Variants in BTRC observed in about 807,000 individuals in gnomAD.
The protein encoded by BTRC is beta-transducin repeat containing E3 ubiquitin protein ligase.
BTRC carries 42 observed loss-of-function variants against 85.5 expected under a neutral mutation model. The observed-to-expected ratio is 0.49, with a 90% CI of 0.38 to 0.64. The LOEUF (loss-of-function observed/expected upper bound fraction) is 0.64, where lower values mean the gene tolerates loss of function less well. Among genes scored for constraint, BTRC ranks in the 30% least tolerant of loss-of-function variants. The probability of loss-of-function intolerance (pLI) is 0.00; values close to 1 mark genes in which losing one functional copy is unlikely to be tolerated. For missense variants in BTRC, 594 were observed against 743.5 expected (o/e 0.80, Z 2.34); for synonymous variants, 255 against 263.3 (o/e 0.97, Z 0.30).
intron 2 of BTRC, among the ~76,000 whole-genome samples, chr10:101,447,522 A>G (rs1244170019): frequency 6.6e-6 from 1 of 152,172 alleles, no homozygotes; most frequent in African/African-American, 2.4e-5. Flanking sequence ...GTATTCACTA[A>G]TTCTGTACTG....
chr10:101,390,369 G>A (rs965412721), intron 1 of BTRC, among the ~76,000 whole-genome samples: 4 of 138,052 alleles, frequency 2.9e-5, no homozygotes, highest in Admixed American at 2.3e-4. Context: ...ACGGAGTCTC[G>A]CTTTGTTCCC....
intron 1 of BTRC, among the ~76,000 whole-genome samples, chr10:101,389,661 C>G (rs1943188016): frequency 7.5e-6 from 1 of 133,268 alleles, no homozygotes; most frequent in Admixed American, 8.5e-5. Context: ...TCTCTGTTGC[C>G]CAGGCTGGAG....
rs551665455 is a variant in BTRC at position 101,517,935 on chromosome 10, C to T, written c.325-3704C>T. On this transcript the variant is annotated intron_variant, in intron 4 of 14. Coordinates refer to ENST00000370187, the MANE Select transcript of BTRC (RefSeq NM_033637.4). ...TTTTTTTTTTTTTTTTTTTTTGAGA[C>T]GGAGTCTCGCTCTGTCGCCCAGGCT... Among the ~76,000 whole-genome samples, 571 of 120,138 alleles carry T rather than the reference C, an allele frequency of 4.8e-3. 17 individuals carry two copies. In the Admixed American group the frequency reaches 0.052, roughly 11 times the overall value. The allele number at this position is 120,138 out of a possible 152,430, so 78.8% of individuals were successfully genotyped here.
chr10:101,482,131 T>A (rs1038425813), intron 4 of BTRC, among the ~76,000 whole-genome samples: 2 of 152,160 alleles, frequency 1.3e-5, no homozygotes, highest in African/African-American at 4.8e-5. Flanking sequence ...GCCATTATCC[T>A]GCCTCAGCCT....
intron 5 of BTRC, among the ~76,000 whole-genome samples, chr10:101,524,475 G>T (rs531819959): frequency 6.6e-6 from 1 of 152,162 alleles, no homozygotes; most frequent in African/African-American, 2.4e-5. Context: ...AATGCTTTAT[G>T]GCCATTTAAA....
At chr10:101,412,744 A>G (rs1232959407) in intron 1 of BTRC, among the ~76,000 whole-genome samples, 2 of 152,230 alleles carry the variant, frequency 1.3e-5, no homozygotes, top group Non-Finnish European at 2.9e-5. Context: ...CTTCATTGCT[A>G]GTACTCCAGT....
At chr10:101,515,657 A>T (rs2062014153) in intron 4 of BTRC, among the ~76,000 whole-genome samples, 1 of 152,104 alleles carries the variant, frequency 6.6e-6, no homozygotes, top group South Asian at 2.1e-4. Context: ...GGCTACAGGC[A>T]TGTACCACCA....
intron 1 of BTRC, among the ~76,000 whole-genome samples, chr10:101,411,086 C>T (rs1943765747): frequency 6.6e-6 from 1 of 151,220 alleles, no homozygotes; most frequent in Non-Finnish European, 1.5e-5. Flanking sequence ...ACCTCTGCCT[C>T]CTGGGTTCAA....
At chr10:101,431,687 G>A (rs1317901582) in intron 2 of BTRC, among the ~76,000 whole-genome samples, 6 of 152,086 alleles carry the variant, frequency 3.9e-5, no homozygotes, top group Admixed American at 1.3e-4. Context: ...GTGTCAGAAG[G>A]CTTGTGACTA....
At chr10:101,449,732 T>A (rs1944911818) in intron 2 of BTRC, among the ~76,000 whole-genome samples, 1 of 152,168 alleles carries the variant, frequency 6.6e-6, no homozygotes, top group African/African-American at 2.4e-5. Flanking sequence ...ATCCCCCTGG[T>A]GAATTTTAAT....
intron 1 of BTRC, among the ~76,000 whole-genome samples, chr10:101,367,080 A>ATATATATT (rs1942485263): frequency 1.2e-5 from 1 of 84,086 alleles, no homozygotes; most frequent in African/African-American, 4.1e-5. Flanking sequence ...ATATATATAT[A>ATATATATT]TTTTTTTCGA....
intron 2 of BTRC, among the ~76,000 whole-genome samples, chr10:101,438,869 T>A (rs12250375): frequency 0.011 from 1,704 of 152,232 alleles, 15 homozygotes; most frequent in Middle Eastern, 0.027. Flanking sequence ...AACACAATAT[T>A]TGACCAAAAT....
chr10:101,494,763 G>A (rs1946218872), intron 4 of BTRC, among the ~76,000 whole-genome samples: 1 of 152,194 alleles, frequency 6.6e-6, no homozygotes, highest in Non-Finnish European at 1.5e-5. Flanking sequence ...TCCCAGAATA[G>A]TTGTGTGTAG....
chr10:101,506,548 G>T (rs990814374), intron 4 of BTRC, among the ~76,000 whole-genome samples: 1 of 152,054 alleles, frequency 6.6e-6, no homozygotes, highest in African/African-American at 2.4e-5. Flanking sequence ...TATATACCTT[G>T]TTTATTGTCC....
chr10:101,521,664 G>T lies in BTRC; in HGVS notation c.350G>T (p.Ser117Ile). 1.2e-6 allele frequency: 2 copies of T among 1,613,994 alleles called. No homozygotes were observed. The highest frequency in any genetic ancestry group is 1.7e-6 in the Non-Finnish European group (2 of 1,179,968). ...AKTKLANGTS[S>I]MIVPKQRKLS... The stretch of plus-strand genomic sequence containing the variant: ...ACAAAACTTGCCAATGGCACTTCCA[G>T]TATGATTGTGCCCAAGCAACGGAAA... Residue 117 changes from serine (S) to isoleucine (I), a missense_variant, in exon 5 of 15, where the codon AGT becomes ATT. Coordinates refer to ENST00000370187, the MANE Select transcript of BTRC (RefSeq NM_033637.4).
chr10:101,547,951 A>G (rs1264112137), intron 13 of BTRC, among the ~76,000 whole-genome samples: 1 of 152,254 alleles, frequency 6.6e-6, no homozygotes, highest in Non-Finnish European at 1.5e-5. Context: ...ACAAAATCCA[A>G]CACCCATTCA....
chr10:101,389,441 GA>G (rs1192105188), intron 1 of BTRC, among the ~76,000 whole-genome samples: 1 of 151,874 alleles, frequency 6.6e-6, no homozygotes, highest in Non-Finnish European at 1.5e-5. Flanking sequence ...TGATCTTTCA[GA>G]GATCTAAAAT....
chr10:101,434,290 T>C (rs1589461763), intron 2 of BTRC, among the ~76,000 whole-genome samples: 1 of 152,344 alleles, frequency 6.6e-6, no homozygotes, highest in East Asian at 1.9e-4. Context: ...GTATGGTATC[T>C]GAAGCCTTAT....
intron 4 of BTRC, among the ~76,000 whole-genome samples, chr10:101,507,912 C>T (rs1000633229): frequency 9.2e-5 from 14 of 152,050 alleles, no homozygotes; most frequent in African/African-American, 3.1e-4. Context: ...GTGGGTTTAC[C>T]AGCCTTGGAG....
Sources: gnomAD v4.1 joint callset for allele counts (sites outside exome capture counted in the v4.1 genomes callset) on GRCh38, gnomAD v4.1.1 for gene constraint, MANE v1.5 for transcripts, NCBI Gene and HGNC (gene_info 2026-07-23, HGNC 2026-07-21) for gene names.